IL21R: variants seen among roughly 807,000 people sequenced by gnomAD.
IL21R encodes the protein interleukin-21 receptor.
In IL21R, 14 loss-of-function variants were observed where a neutral mutation model predicts 41.3. The ratio of observed to expected loss-of-function variants is 0.34; its 90% CI spans 0.22 to 0.53. The LOEUF (loss-of-function observed/expected upper bound fraction) is 0.53. Among genes scored for constraint, IL21R ranks in the 20% least tolerant of loss-of-function variants. The probability of loss-of-function intolerance (pLI) is 0.94; values close to 1 mark genes in which losing one functional copy is unlikely to be tolerated. For missense variants in IL21R, 588 were observed against 681.6 expected (o/e 0.86, Z 1.53); for synonymous variants, 286 against 287.6 (o/e 0.99, Z 0.05).
intron 5 of IL21R, 89 bp from the exon 6 acceptor site, chr16:27,444,453 T>C (rs1596595681): frequency 6.7e-6 from 6 of 893,478 alleles, no homozygotes; most frequent in Non-Finnish European, 9.6e-6. Flanking sequence ...GCCCCTTTGA[T>C]GGAAGCTGGG....
Position 27,450,312 on chromosome 16 carries a change from A to G in IL21R, c.*1029A>G. On this transcript the variant is annotated 3_prime_UTR_variant, in exon 9 of 9. Coordinates refer to ENST00000337929, the MANE Select transcript of IL21R (RefSeq NM_181078.3). ...ACCCAAGAGATATTTATTAAACACC[A>G]ATTACGTAGCAGGCCATGGCTCATG... 1 of 232,048 alleles carries G rather than the reference A, an allele frequency of 4.3e-6. No individual in the cohort carries two copies. Among genetic ancestry groups the G allele is most frequent in the Non-Finnish European group, 8.5e-6 (1 of 117,198 alleles). The allele number at this position is 232,048 out of a possible 1,614,324, so 14.4% of individuals were successfully genotyped here.
chr16:27,430,128 G>C lies in IL21R; in HGVS notation c.49+8G>C, dbSNP rs1419362293. ...TGCTGCTGCTCCAGGGAGGTAAGTGGCTGCCCCGTGGTCTGCGGGTGGGGA... is the reference window on the plus strand; with the variant it reads ...TGCTGCTGCTCCAGGGAGGTAAGTGCCTGCCCCGTGGTCTGCGGGTGGGGA... On this transcript the variant is annotated splice_region_variant and intron_variant, in intron 2 of 8. Coordinates refer to ENST00000337929, the MANE Select transcript of IL21R (RefSeq NM_181078.3). 8.1e-6 allele frequency: 13 copies of C among 1,602,304 alleles called. No homozygotes were observed. The East Asian group carries it at 2.9e-4, about 36-fold the overall frequency.
chr16:27,449,498 T>C lies in IL21R; in HGVS notation c.*215T>C. ...TGTGTCTTAGGTGCGCAGTGGCATG[T>C]CCACGTGTGTGTGTGATTGCACGTG... On this transcript the variant is annotated 3_prime_UTR_variant, in exon 9 of 9. Coordinates refer to ENST00000337929, the MANE Select transcript of IL21R (RefSeq NM_181078.3). 1.7e-6 allele frequency: 1 copy of C among 587,874 alleles called. No homozygotes were observed. Among genetic ancestry groups the C allele is most frequent in the Non-Finnish European group, 3.0e-6 (1 of 335,534 alleles). The allele number at this position is 587,874 out of a possible 1,614,324, so 36.4% of individuals were successfully genotyped here.
chr16:27,441,356 C>A (rs191279620), intron 4 of IL21R, among the ~76,000 whole-genome samples: 10 of 152,210 alleles, frequency 6.6e-5, no homozygotes, highest in African/African-American at 1.2e-4. Context: ...AAATGTCCTT[C>A]GAATGGAGCA....
At chr16:27,407,761 G>A (rs1349533672) in intron 1 of IL21R, among the ~76,000 whole-genome samples, 1 of 152,158 alleles carries the variant, frequency 6.6e-6, no homozygotes, top group Non-Finnish European at 1.5e-5. Flanking sequence ...GGAGGCGGAG[G>A]TTGCAGTGAG....
Position 27,450,581 on chromosome 16 carries a change from T to A in IL21R, c.*1298T>A, listed in dbSNP as rs1407623157. On this transcript the variant is annotated 3_prime_UTR_variant, in exon 9 of 9. Coordinates refer to ENST00000337929, the MANE Select transcript of IL21R (RefSeq NM_181078.3). ...ATATTTCTTAGCAACATTTTCTTTT[T>A]CTTTTTTTTTTTTTTCTTTTGAGAC... 2 of 216,084 alleles carry A rather than the reference T, an allele frequency of 9.3e-6. No homozygotes were observed. The highest frequency in any genetic ancestry group is 1.3e-4 in the East Asian group (2 of 15,094). The allele number at this position is 216,084 out of a possible 1,614,324, so 13.4% of individuals were successfully genotyped here. A position where few individuals can be genotyped will look rare whatever the true frequency, so the allele number is the denominator to read the frequency against.
chr16:27,424,140 T>C (rs1356209050), intron 1 of IL21R, among the ~76,000 whole-genome samples: 13 of 152,176 alleles, frequency 8.5e-5, no homozygotes. Flanking sequence ...AGTGGTGCAA[T>C]CTCGGCTCAC....
At chr16:27,436,904 C>G (rs1024943789) in intron 3 of IL21R, among the ~76,000 whole-genome samples, 1 of 152,134 alleles carries the variant, frequency 6.6e-6, no homozygotes, top group Non-Finnish European at 1.5e-5. Flanking sequence ...GGGACCCCAT[C>G]TCTACAAAAA....
At chr16:27,414,165 A>AGAGTGTGTGTGTGTGTGTGT (rs2086860916) in intron 1 of IL21R, among the ~76,000 whole-genome samples, 1 of 144,186 alleles carries the variant, frequency 6.9e-6, no homozygotes, top group Non-Finnish European at 1.5e-5. Flanking sequence ...AGCTATGTAT[A>AGAGTGTGTGTGTGTGTGTGT]GTGTGTGTGT....
At chr16:27,437,866 G>T (rs1264411748) in intron 4 of IL21R, among the ~76,000 whole-genome samples, 179 bp downstream of exon 4, 2 of 152,110 alleles carry the variant, frequency 1.3e-5, no homozygotes, top group African/African-American at 4.8e-5. Context: ...ATCTTGCCAT[G>T]TTGCCCAGGC....
chr16:27,420,434 G>C (rs1302458516), intron 1 of IL21R, among the ~76,000 whole-genome samples: 6 of 152,178 alleles, frequency 3.9e-5, no homozygotes, highest in African/African-American at 1.4e-4. Flanking sequence ...CACAGTGGCT[G>C]CACCATTTTA....
Position 27,451,908 on chromosome 16 carries a change from C to CAG in IL21R, c.*2629_*2630dup, listed in dbSNP as rs2087605260. The CAG allele has an allele frequency of 4.3e-6, 1 of 229,996 alleles. No homozygotes were observed. The highest frequency in any genetic ancestry group is 8.6e-6 in the Non-Finnish European group (1 of 116,094). 14.2% of individuals were successfully genotyped at this position (229,996 alleles called of 1,614,324 possible). ...AAGGAAGAATGATTGGTTGGATAGA[C>CAG]AGAGATAAATGCATACTGGAAACAA... On this transcript the variant is annotated 3_prime_UTR_variant, in exon 9 of 9. Coordinates refer to ENST00000337929, the MANE Select transcript of IL21R (RefSeq NM_181078.3).
intron 2 of IL21R, among the ~76,000 whole-genome samples, chr16:27,433,842 T>C (rs2087217339): frequency 6.6e-6 from 1 of 152,164 alleles, no homozygotes; most frequent in African/African-American, 2.4e-5. Context: ...GGGTGTCCTG[T>C]GGATCCAACT....
At chr16:27,413,273 A>G (rs1417996512) in intron 1 of IL21R, among the ~76,000 whole-genome samples, 2 of 151,832 alleles carry the variant, frequency 1.3e-5, no homozygotes, top group Non-Finnish European at 2.9e-5. Flanking sequence ...CATTTATCTG[A>G]TTTTTGTAAC....
At chr16:27,427,387 T>C (rs897147549) in intron 1 of IL21R, 1 of 927,930 alleles carries the variant, frequency 1.1e-6, no homozygotes, top group Admixed American at 6.2e-5. Flanking sequence ...GGATGAGGAG[T>C]TTTTTGTTTG....
chr16:27,405,613 C>A (rs1478124366), intron 1 of IL21R, among the ~76,000 whole-genome samples: 1 of 152,204 alleles, frequency 6.6e-6, no homozygotes, highest in Non-Finnish European at 1.5e-5. Context: ...CTCGCAGCCC[C>A]TTCCTCACAT....
At chr16:27,432,781 T>A (rs1162969291) in intron 2 of IL21R, among the ~76,000 whole-genome samples, 1 of 152,164 alleles carries the variant, frequency 6.6e-6, no homozygotes, top group African/African-American at 2.4e-5. Context: ...AAGATTTACT[T>A]CCATGACTCA....
At chr16:27,404,124 C>T (rs1316033724) in intron 1 of IL21R, among the ~76,000 whole-genome samples, 1 of 152,186 alleles carries the variant, frequency 6.6e-6, no homozygotes, top group East Asian at 1.9e-4. Context: ...CCCACGAGGA[C>T]AGGCAACCCC....
At chr16:27,446,272 A>T (rs1286490626) in intron 8 of IL21R, among the ~76,000 whole-genome samples, 184 bp downstream of exon 8, 1 of 152,200 alleles carries the variant, frequency 6.6e-6, no homozygotes, top group African/African-American at 2.4e-5. Flanking sequence ...CTTGTGGTGC[A>T]GAATTGGCAG....
Sources: gnomAD v4.1 joint callset for allele counts (sites outside exome capture counted in the v4.1 genomes callset) on GRCh38, gnomAD v4.1.1 for gene constraint, MANE v1.5 for transcripts, NCBI Gene and HGNC (gene_info 2026-07-23, HGNC 2026-07-21) for gene names.